MCTP1: variants seen among roughly 807,000 people sequenced by gnomAD.
MCTP1 encodes the protein multiple C2 and transmembrane domain containing 1, also known as multiple C2 and transmembrane domain-containing protein 1.
In MCTP1, 69 loss-of-function variants were observed where a neutral mutation model predicts 120.6. The observed-to-expected ratio is 0.57, with a 90% confidence interval of 0.47 to 0.70. The LOEUF (loss-of-function observed/expected upper bound fraction) is 0.70. Among genes scored for constraint, MCTP1 ranks in the 30% least tolerant of loss-of-function variants. MCTP1 has a pLI of 0.00. For missense variants in MCTP1, 1,203 were observed against 1,248.8 expected (o/e 0.96, Z 0.55); for synonymous variants, 529 against 493.1 (o/e 1.07, Z -0.96).
At chr5:95,276,251 A>ATT (rs34667866) in intron 1 of MCTP1, among the ~76,000 whole-genome samples, 42,096 of 84,464 alleles carry the variant, frequency 0.5, 13,076 homozygotes, top group East Asian at 0.69. Context: ...CAATATTGGG[A>ATT]TTTTTTTTTT....
chr5:94,810,492 T>C (rs931291631), intron 17 of MCTP1, among the ~76,000 whole-genome samples: 32 of 152,122 alleles, frequency 2.1e-4, no homozygotes, highest in Non-Finnish European at 4.6e-4. Flanking sequence ...CTGTTCTCTA[T>C]ACTGTGCCAG....
rs1407261172 is a variant in MCTP1, at chr5:95,230,230, GTGTGTGTGTA to G, written c.720+53616_720+53625del. On this transcript the variant is annotated intron_variant, in intron 1 of 22. Coordinates refer to ENST00000515393, the MANE Select transcript of MCTP1 (RefSeq NM_024717.7). ...CACACACATATACACATACATATAT[GTGTGTGTGTA>G]TATATATACACACACGCACACAAAA... is the stretch of plus-strand genomic sequence containing the variant. Among the ~76,000 whole-genome samples the G allele has an allele frequency of 9.4e-3, 1,097 of 116,172 alleles. 11 individuals are homozygous for G. The highest frequency in any genetic ancestry group is 0.037 in the South Asian group (141 of 3,822). 76.2% of individuals were successfully genotyped at this position (116,172 alleles called of 152,430 possible). A position where few individuals can be genotyped will look rare whatever the true frequency, so the allele number is the denominator to read the frequency against.
intron 1 of MCTP1, among the ~76,000 whole-genome samples, chr5:95,208,674 C>T (rs1398717787): frequency 6.6e-6 from 1 of 151,348 alleles, no homozygotes; most frequent in Admixed American, 6.6e-5. Context: ...GAATCAAGAA[C>T]CACAGTGTAG....
At chr5:94,983,965 T>C (rs1442324362) in intron 2 of MCTP1, among the ~76,000 whole-genome samples, 1 of 152,196 alleles carries the variant, frequency 6.6e-6, no homozygotes, top group African/African-American at 2.4e-5. Flanking sequence ...CATTTTGTAC[T>C]GCATTATGAA....
rs150705940 is a variant in MCTP1 at position 94,775,459 on chromosome 5, C to T, written c.2610+3651G>A. 2.2e-4 allele frequency among the ~76,000 whole-genome samples: 34 copies of T among 152,284 alleles called. No individual in the cohort carries two copies. The East Asian group carries it at 6.0e-3, about 27-fold the overall frequency. On this transcript the variant is annotated intron_variant, in intron 19 of 22. Coordinates refer to ENST00000515393, the MANE Select transcript of MCTP1 (RefSeq NM_024717.7). ...ACACCATTATATGGCTTGTTGATAG[C>T]TCCTCCTAGGTAATTTAGCTAAGCC...
chr5:95,158,600 A>G (rs1745375224), intron 1 of MCTP1, among the ~76,000 whole-genome samples: 1 of 152,232 alleles, frequency 6.6e-6, no homozygotes, highest in African/African-American at 2.4e-5. Flanking sequence ...CTTAAATAGC[A>G]TCTGTAATTT....
At chr5:95,022,107 C>A (rs889652891) in intron 1 of MCTP1, among the ~76,000 whole-genome samples, 3 of 152,140 alleles carry the variant, frequency 2.0e-5, no homozygotes, top group African/African-American at 7.2e-5. Context: ...TGATTATGTT[C>A]AAAACCATCT....
intron 1 of MCTP1, among the ~76,000 whole-genome samples, chr5:95,166,997 A>G (rs1042585744): frequency 6.8e-6 from 1 of 147,352 alleles, no homozygotes; most frequent in African/African-American, 2.5e-5. Flanking sequence ...TACATGTGCC[A>G]TGTTGGTGTG....
chr5:94,709,464 T>G (rs1755972772), intron 21 of MCTP1: 1 of 152,104 alleles, frequency 6.6e-6, no homozygotes, highest in East Asian at 1.9e-4. Context: ...CTCCAGTTTC[T>G]GTAAACCTGG....
chr5:94,975,097 G>C (rs1827813608), intron 2 of MCTP1, among the ~76,000 whole-genome samples: 1 of 152,028 alleles, frequency 6.6e-6, no homozygotes, highest in Non-Finnish European at 1.5e-5. Flanking sequence ...GAATGGATCA[G>C]GGAAGGTGTC....
At chr5:95,057,066 T>C (rs1323128112) in intron 1 of MCTP1, among the ~76,000 whole-genome samples, 1 of 152,162 alleles carries the variant, frequency 6.6e-6, no homozygotes, top group African/African-American at 2.4e-5. Context: ...TTCACAGCCA[T>C]AGAGTCTTTA....
intron 17 of MCTP1, among the ~76,000 whole-genome samples, chr5:94,855,278 A>G (rs1794522612): frequency 1.3e-5 from 2 of 151,812 alleles, no homozygotes; most frequent in South Asian, 4.1e-4. Context: ...GTTTTCTCAA[A>G]AAAGCAGTCA....
intron 17 of MCTP1, among the ~76,000 whole-genome samples, chr5:94,839,754 CTGTGTGATCTCAGGCAAA>C (rs1161025314): frequency 1.3e-5 from 2 of 152,122 alleles, no homozygotes; most frequent in Non-Finnish European, 2.9e-5. Flanking sequence ...CACTTCCTAA[CTGTGTGATCTCAGGCAAA>C]TTTTCTTTTA....
At chr5:95,111,224 C>A (rs1757428671) in intron 1 of MCTP1, among the ~76,000 whole-genome samples, 1 of 152,118 alleles carries the variant, frequency 6.6e-6, no homozygotes, top group South Asian at 2.1e-4. Context: ...TGGAAATGTT[C>A]ATTGTCTATT....
intron 19 of MCTP1, among the ~76,000 whole-genome samples, chr5:94,765,812 G>C (rs1772534568): frequency 6.7e-6 from 1 of 149,164 alleles, no homozygotes; most frequent in African/African-American, 2.5e-5. Context: ...TAAGCCGTTA[G>C]CAAGACTAGC....
chr5:94,730,086 A>G (rs114389286), intron 19 of MCTP1, among the ~76,000 whole-genome samples: 1,830 of 152,328 alleles, frequency 0.012, 42 homozygotes, highest in African/African-American at 0.043. Flanking sequence ...TAGACATATT[A>G]CTAGATTGAA....
chr5:94,842,910 A>G (rs1791449000), intron 17 of MCTP1, among the ~76,000 whole-genome samples: 1 of 152,078 alleles, frequency 6.6e-6, no homozygotes, highest in South Asian at 2.1e-4. Flanking sequence ...AATAACATAA[A>G]AAGGATTTCA....
chr5:95,036,584 C>A (rs1417912025), intron 1 of MCTP1, among the ~76,000 whole-genome samples: 1 of 152,138 alleles, frequency 6.6e-6, no homozygotes, highest in African/African-American at 2.4e-5. Flanking sequence ...CTCGTCAGAA[C>A]CCTAATCTTT....
At chr5:95,167,343 A>T (rs1264206566) in intron 1 of MCTP1, among the ~76,000 whole-genome samples, 3 of 152,142 alleles carry the variant, frequency 2.0e-5, no homozygotes, top group African/African-American at 7.2e-5. Context: ...AGTCTTTGCT[A>T]TTGTGAAGAA....
Sources: allele counts gnomAD v4.1 joint callset (sites outside exome capture counted in the v4.1 genomes callset), GRCh38; gene constraint gnomAD v4.1.1; transcripts MANE v1.5; gene names NCBI Gene and HGNC (gene_info 2026-07-23, HGNC 2026-07-21).